PLD1: variants seen among roughly 807,000 people sequenced by gnomAD.
PLD1 encodes the protein phospholipase D1, also known as choline phosphatase 1.
A neutral mutation model predicts 137.1 loss-of-function variants in PLD1; 112 were observed. That is an observed-to-expected ratio of 0.82 (90% CI 0.70 to 0.96). PLD1 has a LOEUF of 0.96. Among genes scored for constraint, PLD1 ranks in the 40% least tolerant of loss-of-function variants. The pLI is 0.00. For synonymous variants in PLD1, 431 were observed against 454.7 expected (o/e 0.95, Z 0.66); for missense variants, 1,321 against 1,342.0 (o/e 0.98, Z 0.24).
chr3:171,618,133 C>A (rs891944920), intron 24 of PLD1, among the ~76,000 whole-genome samples: 1 of 152,028 alleles, frequency 6.6e-6, no homozygotes, highest in Admixed American at 6.6e-5. Flanking sequence ...AGGAATCCAG[C>A]CTCCAAGGAC....
intron 11 of PLD1, among the ~76,000 whole-genome samples, chr3:171,704,800 A>G (rs1472137873): frequency 6.6e-6 from 1 of 152,194 alleles, no homozygotes; most frequent in East Asian, 1.9e-4. Flanking sequence ...TTGGCACCAG[A>G]AACCGGATTC....
chr3:171,676,679 T>A (rs1437787697), intron 18 of PLD1, 36 bp downstream of exon 18: 1 of 1,514,912 alleles, frequency 6.6e-7, no homozygotes, highest in Non-Finnish European at 9.2e-7. Context: ...CTGCCTCTCT[T>A]CATGTGGATA....
intron 1 of PLD1, among the ~76,000 whole-genome samples, chr3:171,784,232 C>T (rs1722904009): frequency 1.3e-5 from 2 of 152,120 alleles, no homozygotes; most frequent in Admixed American, 6.5e-5. Context: ...AGTTCTCACT[C>T]CTAAAAAGCA....
At chr3:171,611,402 G>T (rs913917520) in intron 25 of PLD1, 1 of 339,124 alleles carries the variant, frequency 2.9e-6, no homozygotes, top group South Asian at 2.4e-5. Context: ...GATCTAGAAG[G>T]TTCTAGAGGG....
rs1411351484 is a variant in PLD1 at position 171,764,949 on chromosome 3, A to AG, written c.-31-26868dup. ...GGAAAGAAAGGAAAGAAAGAAAGAA[A>AG]GAAAGAAAGAAAGAAAGAAAGAAAG... is the stretch of plus-strand genomic sequence containing the variant. On this transcript the variant is annotated intron_variant, in intron 1 of 26. Transcript: ENST00000351298. 2.4e-3 allele frequency among the ~76,000 whole-genome samples: 84 copies of AG among 35,620 alleles called. 10 individuals carry two copies. The highest frequency in any genetic ancestry group is 0.016 in the Admixed American group (49 of 3,110). 23.4% of individuals were successfully genotyped at this position (35,620 alleles called of 152,430 possible).
intron 1 of PLD1, among the ~76,000 whole-genome samples, chr3:171,758,233 G>A (rs1721159727): frequency 6.6e-6 from 1 of 152,142 alleles, no homozygotes; most frequent in African/African-American, 2.4e-5. Flanking sequence ...CATAACTTCA[G>A]AAACTGAGGT....
intron 23 of PLD1, among the ~76,000 whole-genome samples, chr3:171,642,391 A>G (rs1051116996): frequency 8.8e-5 from 12 of 136,462 alleles, no homozygotes; most frequent in Non-Finnish European, 1.4e-4. Context: ...CAGGAGGCGG[A>G]GGTTGCAGTG....
intron 23 of PLD1, among the ~76,000 whole-genome samples, chr3:171,637,793 G>A (rs1735260862): frequency 6.6e-6 from 1 of 152,102 alleles, no homozygotes; most frequent in Admixed American, 6.5e-5. Flanking sequence ...ATACTATACT[G>A]AATACTGTAG....
intron 8 of PLD1, among the ~76,000 whole-genome samples, chr3:171,715,316 G>A (rs1046029997): frequency 6.6e-6 from 1 of 152,234 alleles, no homozygotes; most frequent in South Asian, 2.1e-4. Context: ...CTGGTCATGT[G>A]TCTGTTTTTA....
At chr3:171,781,701 C>T (rs948370224) in intron 1 of PLD1, among the ~76,000 whole-genome samples, 2 of 152,156 alleles carry the variant, frequency 1.3e-5, no homozygotes, top group Non-Finnish European at 2.9e-5. Flanking sequence ...TACATCCCCA[C>T]CAGAACGAGT....
chr3:171,774,573 G>C (rs6445027), intron 1 of PLD1, among the ~76,000 whole-genome samples: 18,110 of 152,198 alleles, frequency 0.12, 3,154 homozygotes, highest in African/African-American at 0.38. Context: ...TAAGTAGGAG[G>C]AATGAGGCCT....
intron 1 of PLD1, among the ~76,000 whole-genome samples, chr3:171,744,753 G>A (rs1720025080): frequency 6.6e-6 from 1 of 152,146 alleles, no homozygotes; most frequent in South Asian, 2.1e-4. Flanking sequence ...CACAATTTCT[G>A]CCATTAGCTA....
intron 25 of PLD1, among the ~76,000 whole-genome samples, chr3:171,607,710 G>A (rs371291487): frequency 2.7e-4 from 41 of 152,176 alleles, no homozygotes; most frequent in East Asian, 7.7e-4. Flanking sequence ...TGTTCTTTCC[G>A]TTCCTCATAT....
intron 13 of PLD1, among the ~76,000 whole-genome samples, chr3:171,690,275 G>A: frequency 6.6e-6 from 1 of 151,734 alleles, no homozygotes; most frequent in East Asian, 1.9e-4. Context: ...CCAAGCTAAA[G>A]GTTTGTTGAT....
rs151169443 is a variant in PLD1, at chr3:171,764,933, GGAAAGAAAGAAAGAAAGAAAGAAAGAAA to G, written c.-31-26879_-31-26852del. 5.4e-3 allele frequency among the ~76,000 whole-genome samples: 129 copies of G among 23,714 alleles called. 1 individual carries two copies. The highest frequency in any genetic ancestry group is 0.015 in the African/African-American group (109 of 7,348). 15.6% of individuals were successfully genotyped at this position (23,714 alleles called of 152,430 possible). ...GAAGGAAAGAAAGAAAGGAAAGAAAGGAAAGAAAGAAAGAAAGAAAGAAAGAAAGAAAGAAAGAAAGAAAGAAAGAAAG... is the reference window on the plus strand; with the variant it reads ...GAAGGAAAGAAAGAAAGGAAAGAAAGGAAAGAAAGAAAGAAAGAAAGAAAG... On this transcript the variant is annotated intron_variant, in intron 1 of 26. Coordinates refer to ENST00000351298, the MANE Select transcript of PLD1 (RefSeq NM_002662.5).
At chr3:171,725,418 C>T (rs929433240) in intron 7 of PLD1, among the ~76,000 whole-genome samples, 2 of 152,096 alleles carry the variant, frequency 1.3e-5, no homozygotes, top group Non-Finnish European at 2.9e-5. Flanking sequence ...GGAAGCAGAG[C>T]ACAGCTACTA....
At chr3:171,778,076 TTTAAA>T (rs1344856936) in intron 1 of PLD1, among the ~76,000 whole-genome samples, 1 of 152,146 alleles carries the variant, frequency 6.6e-6, no homozygotes, top group East Asian at 1.9e-4. Flanking sequence ...TTACAAGATA[TTTAAA>T]TTATTTATGT....
chr3:171,603,421 TA>T, intron 26 of PLD1, 119 bp from the exon 27 acceptor site: 1 of 685,954 alleles, frequency 1.5e-6, no homozygotes, highest in Non-Finnish European at 2.5e-6. Context: ...TTATTAGTCT[TA>T]TGTTACAGCA....
intron 1 of PLD1, among the ~76,000 whole-genome samples, chr3:171,808,625 ATT>A (rs1491329894): frequency 7.3e-5 from 4 of 54,566 alleles, no homozygotes; most frequent in Non-Finnish European, 1.7e-4. Context: ...GGTAAATAAA[ATT>A]TGTAATTTTA....
Sources: allele counts gnomAD v4.1 joint callset (sites outside exome capture counted in the v4.1 genomes callset), GRCh38; gene constraint gnomAD v4.1.1; transcripts MANE v1.5; gene names NCBI Gene and HGNC (gene_info 2026-07-23, HGNC 2026-07-21).